Variants in ASIC2 observed in about 807,000 individuals in gnomAD.
The protein encoded by ASIC2 is acid sensing ion channel subunit 2, also known as acid-sensing ion channel 2.
ASIC2 carries 25 observed loss-of-function variants against 57.3 expected under a neutral mutation model. The ratio of observed to expected loss-of-function variants is 0.44; its 90% CI spans 0.32 to 0.61. The LOEUF is 0.61. Among genes scored for constraint, ASIC2 ranks in the 20% least tolerant of loss-of-function variants. The pLI is 0.06. For missense variants in ASIC2, 641 were observed against 738.1 expected (o/e 0.87, Z 1.52); for synonymous variants, 319 against 307.5 (o/e 1.04, Z -0.39).
At chr17:33,305,472 C>G (rs11080212) in intron 1 of ASIC2, among the ~76,000 whole-genome samples, 31,245 of 152,090 alleles carry the variant, frequency 0.21, 3,378 homozygotes, top group East Asian at 0.37. Context: ...AACAAAAAGG[C>G]TTAAGACGTA....
intron 1 of ASIC2, among the ~76,000 whole-genome samples, chr17:33,191,322 G>A (rs933415595): frequency 6.6e-5 from 10 of 152,102 alleles, no homozygotes; most frequent in Admixed American, 5.9e-4. Context: ...TCCTTGGTGT[G>A]GAGATGGAAG....
chr17:33,445,421 ACTCTGT>A (rs1354017841), intron 1 of ASIC2, among the ~76,000 whole-genome samples: 1 of 152,150 alleles, frequency 6.6e-6, no homozygotes, highest in African/African-American at 2.4e-5. Flanking sequence ...ACAGAACGAG[ACTCTGT>A]CTCTAAAATA....
chr17:33,711,166 G>A (rs1451223261), intron 1 of ASIC2, among the ~76,000 whole-genome samples: 3 of 152,162 alleles, frequency 2.0e-5, no homozygotes, highest in Non-Finnish European at 4.4e-5. Context: ...ACAATTTGAA[G>A]GTGCAGCGGG....
chr17:34,006,857 T>C (rs1178474495), intron 1 of ASIC2: 1 of 152,232 alleles, frequency 6.6e-6, no homozygotes, highest in Non-Finnish European at 1.5e-5. Context: ...TTTAGTTGTT[T>C]GTTTTGCAAA....
At chr17:33,320,248 A>T (rs1567821983) in intron 1 of ASIC2, among the ~76,000 whole-genome samples, 2 of 152,078 alleles carry the variant, frequency 1.3e-5, no homozygotes, top group African/African-American at 4.8e-5. Context: ...ATTTTGAGGT[A>T]TTTTTTTAAG....
At position 33,587,856 on chromosome 17, in the gene ASIC2, A is replaced by G. The variant is rs566483630; in HGVS notation, c.556-475789T>C. Among the ~76,000 whole-genome samples, 3 of 152,194 alleles carry G rather than the reference A, an allele frequency of 2.0e-5. No individual in the cohort carries two copies. In the East Asian group the frequency reaches 5.8e-4, roughly 29 times the overall value. ...AGCTTTCAGGGGGATCTTCTATCTAATCCTTCACCCTCTTCACCATTTTCC... is the reference window on the plus strand; with the variant it reads ...AGCTTTCAGGGGGATCTTCTATCTAGTCCTTCACCCTCTTCACCATTTTCC... On this transcript the variant is annotated intron_variant, in intron 1 of 9. Coordinates refer to the ASIC2 transcript ENST00000359872.
At chr17:33,930,959 C>T (rs2141971259) in intron 1 of ASIC2, among the ~76,000 whole-genome samples, 1 of 152,296 alleles carries the variant, frequency 6.6e-6, no homozygotes, top group Non-Finnish European at 1.5e-5. Flanking sequence ...CTCTCTGCCG[C>T]CCAGGCTGGA....
intron 1 of ASIC2, among the ~76,000 whole-genome samples, chr17:33,419,039 C>T (rs970073487): frequency 2.0e-5 from 3 of 152,100 alleles, no homozygotes; most frequent in Non-Finnish European, 4.4e-5. Context: ...CACCATGGCA[C>T]GTATATACCT....
chr17:33,507,896 C>T (rs1347790271), intron 1 of ASIC2, among the ~76,000 whole-genome samples: 3 of 152,192 alleles, frequency 2.0e-5, no homozygotes, highest in Non-Finnish European at 4.4e-5. Flanking sequence ...CAGAGCTAGA[C>T]CCTGTTTCAA....
chr17:33,388,752 T>G (rs1430127794), intron 1 of ASIC2, among the ~76,000 whole-genome samples: 1 of 152,222 alleles, frequency 6.6e-6, no homozygotes, highest in African/African-American at 2.4e-5. Flanking sequence ...TGGTAATCAA[T>G]GCCTGCCCCA....
At chr17:33,051,048 A>C (rs1380517929) in intron 3 of ASIC2, among the ~76,000 whole-genome samples, 2 of 152,188 alleles carry the variant, frequency 1.3e-5, no homozygotes, top group Non-Finnish European at 2.9e-5. Flanking sequence ...ACTATCCTAT[A>C]GTCCCATACC....
At chr17:33,291,382 G>A (rs1188893500) in intron 1 of ASIC2, 26 bp downstream of exon 1, 1 of 1,575,748 alleles carries the variant, frequency 6.3e-7, no homozygotes, top group East Asian at 2.2e-5. Flanking sequence ...CGCAGAGGGA[G>A]CGGGTTCGCG....
rs527420074 is a variant in ASIC2 at position 34,020,899 on chromosome 17, T to G, written c.555+135079A>C. ...TGTGTATTGTTTTAAGTTGCTAAGTTTATGGTGATTGGTTATATAACAATA... is the reference window on the plus strand; with the variant it reads ...TGTGTATTGTTTTAAGTTGCTAAGTGTATGGTGATTGGTTATATAACAATA... On this transcript the variant is annotated intron_variant, in intron 1 of 9. Transcript: ENST00000359872. Among the ~76,000 whole-genome samples, 102 of 152,294 alleles carry G rather than the reference T, an allele frequency of 6.7e-4. 2 individuals are homozygous for G. The South Asian group carries it at 0.018, about 28-fold the overall frequency.
chr17:33,390,166 A>G (rs1306726536), intron 1 of ASIC2, among the ~76,000 whole-genome samples: 1 of 152,108 alleles, frequency 6.6e-6, no homozygotes, highest in Non-Finnish European at 1.5e-5. Flanking sequence ...GACAAAAATT[A>G]GCCAGGTGTG....
intron 1 of ASIC2, among the ~76,000 whole-genome samples, chr17:33,742,431 G>A (rs1007509800): frequency 6.6e-6 from 1 of 152,196 alleles, no homozygotes; most frequent in Non-Finnish European, 1.5e-5. Context: ...GAAAAGCACT[G>A]TGTTCGCTCT....
rs1325467595 is a variant in ASIC2 at position 33,539,760 on chromosome 17, T to C, written c.556-427693A>G. Among the ~76,000 whole-genome samples, 4 of 152,154 alleles carry C rather than the reference T, an allele frequency of 2.6e-5. No individual in the cohort carries two copies. In the East Asian group the frequency reaches 7.7e-4, roughly 29 times the overall value. On this transcript the variant is annotated intron_variant, in intron 1 of 9. Coordinates refer to the ASIC2 transcript ENST00000359872. ...CTGCCAACTGTGCCAGGTGCTGACC[T>C]TCGGGAGCTCACAGTCCAGATGGGA...
chr17:33,306,465 A>G (rs1906178518), intron 1 of ASIC2, among the ~76,000 whole-genome samples: 1 of 152,030 alleles, frequency 6.6e-6, no homozygotes, highest in Admixed American at 6.6e-5. Context: ...CTGCAGTTTT[A>G]CTCGTGGGAA....
intron 1 of ASIC2, among the ~76,000 whole-genome samples, chr17:33,854,783 C>T (rs994727836): frequency 1.3e-5 from 2 of 152,106 alleles, no homozygotes; most frequent in African/African-American, 4.8e-5. Flanking sequence ...AAGTTGCCAG[C>T]TCCCATTTGT....
At chr17:33,179,896 C>T (rs1905908906) in intron 1 of ASIC2, among the ~76,000 whole-genome samples, 1 of 152,140 alleles carries the variant, frequency 6.6e-6, no homozygotes, top group African/African-American at 2.4e-5. Flanking sequence ...CTCCTTGATG[C>T]AGGGGTGCAG....
Sources: gnomAD v4.1 joint callset for allele counts (sites outside exome capture counted in the v4.1 genomes callset) on GRCh38, gnomAD v4.1.1 for gene constraint, MANE v1.5 for transcripts, NCBI Gene and HGNC (gene_info 2026-07-23, HGNC 2026-07-21) for gene names.